The following CYP4X1 variants were observed in gnomAD, a reference collection of about 807,000 sequenced individuals.
CYP4X1 encodes cytochrome P450 family 4 subfamily X member 1, also known as cytochrome P450 4X1.
In CYP4X1, 44 loss-of-function variants were observed where a neutral mutation model predicts 57.9. The ratio of observed to expected loss-of-function variants is 0.76; its 90% confidence interval spans 0.60 to 0.98. CYP4X1 has a LOEUF of 0.98. Among genes scored for constraint, CYP4X1 ranks in the 50% least tolerant of loss-of-function variants. The pLI is 0.00. For missense variants in CYP4X1, 532 were observed against 623.9 expected, an observed-to-expected ratio of 0.85 and a Z score of 1.57; for synonymous variants, 227 against 228.6, an observed-to-expected ratio of 0.99 and a Z score of 0.06.
At chr1:47,005,417 G>T in the CYP4X1 span, among the ~76,000 whole-genome samples, 1 of 152,142 alleles carries the variant, frequency 6.6e-6, no homozygotes, top group Non-Finnish European at 1.5e-5. Flanking sequence ...AAACTGCCAT[G>T]GAGACTGCTT....
the CYP4X1 span, among the ~76,000 whole-genome samples, chr1:47,007,992 A>C: frequency 6.6e-6 from 1 of 152,200 alleles, no homozygotes; most frequent in Non-Finnish European, 1.5e-5. Flanking sequence ...AAGTTGGAAA[A>C]CACTCTTCAG....
At chr1:47,030,646 C>T (rs1644115190) in intron 2 of CYP4X1, among the ~76,000 whole-genome samples, 1 of 152,208 alleles carries the variant, frequency 6.6e-6, no homozygotes, top group Non-Finnish European at 1.5e-5. Flanking sequence ...TCATCTACTT[C>T]CCCACCCAAT....
chr1:46,965,336 T>C, the CYP4X1 span, among the ~76,000 whole-genome samples: 1 of 152,246 alleles, frequency 6.6e-6, no homozygotes, highest in Admixed American at 6.5e-5. Flanking sequence ...ATCCATCTTC[T>C]GCATTGCTCA....
the CYP4X1 span, among the ~76,000 whole-genome samples, chr1:46,996,746 T>C: frequency 8.5e-5 from 13 of 152,344 alleles, no homozygotes; most frequent in African/African-American, 2.9e-4. Flanking sequence ...TCAGCATCTA[T>C]GTCTTTTGCT....
chr1:46,977,766 C>G, the CYP4X1 span, among the ~76,000 whole-genome samples: 3 of 152,060 alleles, frequency 2.0e-5, no homozygotes, highest in East Asian at 5.8e-4. Flanking sequence ...ATCAGACTAA[C>G]AGCTGATCTC....
At chr1:46,992,189 G>A in the CYP4X1 span, among the ~76,000 whole-genome samples, 1 of 152,306 alleles carries the variant, frequency 6.6e-6, no homozygotes, top group Non-Finnish European at 1.5e-5. Flanking sequence ...GAAGGCACAC[G>A]CCTGTAATCT....
the CYP4X1 span, among the ~76,000 whole-genome samples, chr1:46,978,302 C>CA: frequency 1.5e-3 from 227 of 150,564 alleles, no homozygotes; most frequent in African/African-American, 4.7e-3. Flanking sequence ...AAATGGAAAG[C>CA]AAAAAAAAGG....
chr1:47,016,812 A>G, the CYP4X1 span, among the ~76,000 whole-genome samples: 1 of 152,214 alleles, frequency 6.6e-6, no homozygotes, highest in Non-Finnish European at 1.5e-5. Context: ...TCACCCTGTT[A>G]TGCTATTAAA....
chr1:47,028,606 G>A (rs1227452852), intron 1 of CYP4X1, among the ~76,000 whole-genome samples: 2 of 152,160 alleles, frequency 1.3e-5, no homozygotes, highest in Admixed American at 1.3e-4. Flanking sequence ...ATTAAATATA[G>A]TACAGTATTC....
the CYP4X1 span, among the ~76,000 whole-genome samples, chr1:46,988,504 A>G: frequency 6.6e-6 from 1 of 152,324 alleles, no homozygotes; most frequent in South Asian, 2.1e-4. Context: ...AAGCAATAGA[A>G]AAAGAGAGAC....
chr1:46,985,777 C>T, the CYP4X1 span, among the ~76,000 whole-genome samples: 1 of 152,202 alleles, frequency 6.6e-6, no homozygotes, highest in African/African-American at 2.4e-5. Flanking sequence ...AGCAGAGACG[C>T]TTTACTGTTA....
Position 47,023,922 on chromosome 1 carries a change from G to T in CYP4X1, c.105G>T (p.Arg35=), listed in dbSNP as rs765055118. 6.2e-7 allele frequency: 1 copy of T among 1,613,648 alleles called. No homozygotes were observed. The change falls in exon 1 of 12, where the codon CGG becomes CGT. Residue 35 remains arginine (R), a synonymous_variant. Transcript: ENST00000371901. ...GLLQAIKLYL[R]RQRLLRDLRP... is the part of the protein sequence containing the mutation. ...TGCAGGCCATTAAGCTGTACCTGCG[G>T]AGGCAGCGGCTGCTGCGGGACCTGC...
At chr1:47,051,792 TAAAC>T (rs1487373993), downstream of CYP4X1, among the ~76,000 whole-genome samples, 28 of 152,192 alleles carry the variant, frequency 1.8e-4, no homozygotes, top group Non-Finnish European at 2.9e-4. Context: ...TCCACCCAGT[TAAAC>T]AATATTTCCT....
the CYP4X1 span, chr1:47,002,972 G>C: frequency 6.6e-6 from 1 of 152,238 alleles, no homozygotes; most frequent in Admixed American, 6.5e-5. Flanking sequence ...GCTACAGCTG[G>C]AGTGTGGTTT....
At chr1:46,994,835 A>G in the CYP4X1 span, among the ~76,000 whole-genome samples, 21 of 152,346 alleles carry the variant, frequency 1.4e-4, no homozygotes, top group African/African-American at 5.0e-4. Flanking sequence ...ATAGAAACAG[A>G]AATGAACTGT....
At chr1:47,015,080 A>G in the CYP4X1 span, among the ~76,000 whole-genome samples, 1 of 152,324 alleles carries the variant, frequency 6.6e-6, no homozygotes, top group Middle Eastern at 3.4e-3. Context: ...CAGTTGTAGC[A>G]TGAATCCGTT....
the CYP4X1 span, among the ~76,000 whole-genome samples, chr1:46,987,961 C>A: frequency 6.6e-6 from 1 of 152,092 alleles, no homozygotes; most frequent in Non-Finnish European, 1.5e-5. Flanking sequence ...ACTCTAACTT[C>A]ACAATTAAAA....
At chr1:47,008,682 T>C in the CYP4X1 span, among the ~76,000 whole-genome samples, 1 of 152,116 alleles carries the variant, frequency 6.6e-6, no homozygotes, top group Non-Finnish European at 1.5e-5. Flanking sequence ...GAAACCCATC[T>C]CATGTGCAGA....
upstream of CYP4X1, among the ~76,000 whole-genome samples, chr1:47,022,439 C>T (rs921509014): frequency 2.0e-5 from 3 of 151,960 alleles, no homozygotes; most frequent in South Asian, 2.1e-4. Context: ...TACAGGCGCG[C>T]GCCACCACGC....
Sources: gnomAD v4.1 joint callset for allele counts (sites outside exome capture counted in the v4.1 genomes callset) on GRCh38, gnomAD v4.1.1 for gene constraint, MANE v1.5 for transcripts, NCBI Gene and HGNC (gene_info 2026-07-23, HGNC 2026-07-21) for gene names.